The following HDAC9 variants were observed in gnomAD, a reference collection of about 807,000 sequenced individuals.
The protein encoded by HDAC9 is MEF-2 interacting transcription repressor (MITR) protein.
HDAC9 carries 41 observed loss-of-function variants against 139.4 expected under a neutral mutation model. That is an observed-to-expected ratio of 0.29 (90% CI 0.23 to 0.38). The LOEUF (loss-of-function observed/expected upper bound fraction) is 0.38. Ranked by LOEUF, HDAC9 falls within the 10% of genes least tolerant of loss-of-function variation. The pLI is 1.00. For missense variants in HDAC9, 1,147 were observed against 1,297.0 expected, an observed-to-expected ratio of 0.88 and a Z score of 1.78; for synonymous variants, 517 against 476.2, an observed-to-expected ratio of 1.09 and a Z score of -1.12.
chr7:18,381,020 A>G (rs1785383245), intron 1 of HDAC9, among the ~76,000 whole-genome samples: 1 of 151,910 alleles, frequency 6.6e-6, no homozygotes, highest in African/African-American at 2.4e-5. Flanking sequence ...CAACATGGAG[A>G]AACCCCATGT....
At chr7:18,685,094 C>G (rs951211536) in intron 12 of HDAC9, among the ~76,000 whole-genome samples, 4 of 152,006 alleles carry the variant, frequency 2.6e-5, no homozygotes, top group African/African-American at 9.7e-5. Context: ...AAACTGTCCT[C>G]CACCCTCACT....
At chr7:18,332,854 C>G (rs1334357246) in intron 1 of HDAC9, among the ~76,000 whole-genome samples, 4 of 151,490 alleles carry the variant, frequency 2.6e-5, no homozygotes, top group African/African-American at 7.3e-5. Flanking sequence ...ACTGGAGAAG[C>G]AGAAACCTGG....
At chr7:18,835,408 T>C in intron 19 of HDAC9, 59 bp from the exon 20 acceptor site, 1 of 1,527,848 alleles carries the variant, frequency 6.5e-7, no homozygotes, top group South Asian at 1.3e-5. Flanking sequence ...ATCAGAAAGG[T>C]TGTCTCCACA....
intron 2 of HDAC9, among the ~76,000 whole-genome samples, chr7:18,229,119 A>T (rs778541595): frequency 6.6e-6 from 1 of 152,252 alleles, no homozygotes; most frequent in Admixed American, 6.5e-5. Context: ...TTAATTCACA[A>T]TAAATTCACT....
chr7:18,471,047 C>G (rs1378212283), intron 1 of HDAC9, among the ~76,000 whole-genome samples: 1 of 151,592 alleles, frequency 6.6e-6, no homozygotes, highest in Non-Finnish European at 1.5e-5. Flanking sequence ...ATGGAGTACA[C>G]CTTTATCAGA....
chr7:18,585,355 A>T lies in HDAC9; in HGVS notation c.97A>T (p.Met33Leu). The change falls in exon 3 of 26, where the codon ATG becomes TTG. Residue 33 changes from methionine to leucine, a missense_variant. Around this residue, in one of 7 missense-constraint regions of HDAC9, gnomAD observed 136 missense variants for 183.5 expected, o/e 0.74. Coordinates refer to ENST00000686413, the MANE Select transcript of HDAC9 (RefSeq NM_178425.4). The part of the protein sequence containing the change: ...PLDLRTDLRM[M>L]MPVVDPVVRE... ...AGACCTAAGGACAGACCTCAGGATG[A>T]TGATGCCCGTGGTGGACCCTGTTGT... The T allele has an allele frequency of 1.9e-6, 3 of 1,613,794 alleles. No individual in the cohort carries two copies. Among genetic ancestry groups the T allele is most frequent in the South Asian group, 1.1e-5 (1 of 91,074 alleles).
chr7:18,786,320 T>G (rs982465508), intron 16 of HDAC9, among the ~76,000 whole-genome samples: 7 of 152,156 alleles, frequency 4.6e-5, no homozygotes, highest in African/African-American at 1.7e-4. Flanking sequence ...TGGCCCTAAC[T>G]CTTTATCCTC....
chr7:18,633,498 GT>G (rs1243893799), intron 7 of HDAC9, among the ~76,000 whole-genome samples: 2 of 152,016 alleles, frequency 1.3e-5, no homozygotes, highest in African/African-American at 2.4e-5. Flanking sequence ...GGGATCATGG[GT>G]AAGACTAAAT....
At chr7:18,670,932 A>T (rs1795637572) in intron 12 of HDAC9, among the ~76,000 whole-genome samples, 1 of 150,882 alleles carries the variant, frequency 6.6e-6, no homozygotes. Flanking sequence ...CACACATTTT[A>T]TTCAACCATT....
At chr7:18,919,974 A>T (rs1375572818) in intron 22 of HDAC9, among the ~76,000 whole-genome samples, 1 of 152,096 alleles carries the variant, frequency 6.6e-6, no homozygotes, top group Admixed American at 6.6e-5. Flanking sequence ...TGACTTGGCA[A>T]TGCGGGCTCT....
intron 1 of HDAC9, among the ~76,000 whole-genome samples, chr7:18,375,479 C>CA (rs1784919859): frequency 2.8e-5 from 4 of 144,032 alleles, no homozygotes; most frequent in South Asian, 4.4e-4. Context: ...AAAACAACAA[C>CA]AACAACAAAA....
intron 1 of HDAC9, among the ~76,000 whole-genome samples, chr7:18,407,084 C>G (rs1343449339): frequency 6.6e-6 from 1 of 152,164 alleles, no homozygotes; most frequent in Non-Finnish European, 1.5e-5. Context: ...ATCTCCTGAT[C>G]TCACTATATG....
chr7:18,140,913 T>G (rs1372675885), intron 1 of HDAC9, among the ~76,000 whole-genome samples: 7 of 151,956 alleles, frequency 4.6e-5, no homozygotes, highest in Non-Finnish European at 7.4e-5. Context: ...TTAAAGTTTT[T>G]TTTTTTTTTT....
intron 1 of HDAC9, among the ~76,000 whole-genome samples, chr7:18,134,201 A>AAG (rs1427180844): frequency 2.0e-5 from 3 of 152,136 alleles, no homozygotes; most frequent in African/African-American, 7.2e-5. Flanking sequence ...TCCCCTTAGC[A>AAG]AGAGCCTTGG....
chr7:18,917,196 A>G (rs1157952076), intron 22 of HDAC9, among the ~76,000 whole-genome samples: 1 of 151,992 alleles, frequency 6.6e-6, no homozygotes, highest in Admixed American at 6.6e-5. Context: ...AGGTCCAAGC[A>G]CTGATCTCTC....
At chr7:18,850,854 C>A (rs1287227611) in intron 21 of HDAC9, among the ~76,000 whole-genome samples, 1 of 152,154 alleles carries the variant, frequency 6.6e-6, no homozygotes, top group Non-Finnish European at 1.5e-5. Context: ...CACCTTCTAG[C>A]TAAATCCTCA....
At chr7:18,151,602 A>C (rs1436647890) in intron 1 of HDAC9, among the ~76,000 whole-genome samples, 2 of 152,172 alleles carry the variant, frequency 1.3e-5, no homozygotes, top group African/African-American at 4.8e-5. Context: ...ATTGTACTGT[A>C]ATCATAGTAT....
chr7:18,622,081 A>T (rs1840359966), intron 6 of HDAC9, among the ~76,000 whole-genome samples: 1 of 152,170 alleles, frequency 6.6e-6, no homozygotes. Context: ...CAAAACATTT[A>T]AATATGGCAG....
chr7:18,346,265 G>T (rs1250608235), intron 1 of HDAC9, among the ~76,000 whole-genome samples: 1 of 152,012 alleles, frequency 6.6e-6, no homozygotes, highest in Non-Finnish European at 1.5e-5. Context: ...GAAATTGATG[G>T]CTTGATGTTG....
Sources: allele counts gnomAD v4.1 joint callset (sites outside exome capture counted in the v4.1 genomes callset), GRCh38; gene constraint gnomAD v4.1.1; regional missense constraint gnomAD v4.1.1; transcripts MANE v1.5; gene names NCBI Gene and HGNC (gene_info 2026-07-23, HGNC 2026-07-21).